Variants in ZFHX3 observed in about 807,000 individuals in gnomAD.
The protein encoded by ZFHX3 is zinc finger homeobox 3.
A neutral mutation model predicts 279.1 loss-of-function variants in ZFHX3; 42 were observed. The ratio of observed to expected loss-of-function variants is 0.15; its 90% CI spans 0.12 to 0.19. The LOEUF (loss-of-function observed/expected upper bound fraction) is 0.19. ZFHX3 is among the 10% of genes least tolerant of loss of function. The pLI is 1.00. For missense variants in ZFHX3, 4,981 were observed against 4,754.0 expected (o/e 1.05, Z -1.40); for synonymous variants, 2,293 against 1,957.8 (o/e 1.17, Z -4.52).
intron 2 of ZFHX3, among the ~76,000 whole-genome samples, chr16:73,555,304 G>C (rs1042280176): frequency 6.6e-6 from 1 of 151,882 alleles, no homozygotes; most frequent in Non-Finnish European, 1.5e-5. Context: ...ACAGGCACCC[G>C]CCACCACACC....
intron 4 of ZFHX3, among the ~76,000 whole-genome samples, chr16:73,309,900 T>C (rs1007140131): frequency 1.6e-5 from 2 of 126,068 alleles, no homozygotes; most frequent in Non-Finnish European, 3.2e-5. Context: ...ACTCGTTTTT[T>C]CTTGCCTTTT....
intron 3 of ZFHX3, among the ~76,000 whole-genome samples, chr16:73,328,479 A>G (rs1419344258): frequency 6.6e-6 from 1 of 152,212 alleles, no homozygotes; most frequent in African/African-American, 2.4e-5. Context: ...AATCTTCATG[A>G]CATTTTAATG....
At chr16:73,591,182 T>A (rs139909365) in intron 2 of ZFHX3, among the ~76,000 whole-genome samples, 1 of 150,762 alleles carries the variant, frequency 6.6e-6, no homozygotes, top group Non-Finnish European at 1.5e-5. Flanking sequence ...GAAACCCTGT[T>A]TCTACTAAAA....
At chr16:73,217,599 G>T (rs1383567079) in intron 5 of ZFHX3, among the ~76,000 whole-genome samples, 2 of 152,148 alleles carry the variant, frequency 1.3e-5, no homozygotes, top group African/African-American at 4.8e-5. Context: ...GCCTCTCGAT[G>T]TTGGTTACTT....
chr16:73,490,886 C>G (rs995887548), intron 2 of ZFHX3, among the ~76,000 whole-genome samples: 2 of 152,148 alleles, frequency 1.3e-5, no homozygotes, highest in African/African-American at 4.8e-5. Flanking sequence ...AACTAAGAAA[C>G]TGCAGAGGTG....
In ZFHX3 at chr16:73,793,481, T is replaced by C. The variant is rs574371941; in HGVS notation, c.-1608+98170A>G. On this transcript the variant is annotated intron_variant, in intron 1 of 17. Coordinates refer to the ZFHX3 transcript ENST00000641206. ...CCTGGTACCTTGATGCAAGCCAACA[T>C]ATCTCCAACGAAAATATGCTCCTTG... 2.8e-4 allele frequency among the ~76,000 whole-genome samples: 42 copies of C among 152,358 alleles called. No individual in the cohort carries two copies. The South Asian group carries it at 8.5e-3, about 31-fold the overall frequency.
intron 1 of ZFHX3, among the ~76,000 whole-genome samples, chr16:73,024,023 A>G (rs191875441): frequency 6.6e-6 from 1 of 152,284 alleles, no homozygotes. Context: ...CAGTATTACC[A>G]TTAAACAACA....
intron 2 of ZFHX3, among the ~76,000 whole-genome samples, chr16:73,534,942 G>C (rs1344354030): frequency 6.6e-6 from 1 of 152,102 alleles, no homozygotes; most frequent in African/African-American, 2.4e-5. Flanking sequence ...TGCTGTTAGT[G>C]CCCTTTTCAC....
At chr16:72,883,669 T>C (rs2144039906) in intron 4 of ZFHX3, among the ~76,000 whole-genome samples, 1 of 152,376 alleles carries the variant, frequency 6.6e-6, no homozygotes, top group East Asian at 1.9e-4. Context: ...GTAAAGCATC[T>C]TTCTAAAAAG....
intron 2 of ZFHX3, 66 bp from the exon 3 acceptor site, chr16:72,951,031 C>T (rs531209816): frequency 1.9e-6 from 3 of 1,548,428 alleles, no homozygotes; most frequent in African/African-American, 2.7e-5. Flanking sequence ...AGCTGAGGCA[C>T]CCCCCAGCCC....
chr16:73,182,598 A>G (rs78691989), intron 5 of ZFHX3, among the ~76,000 whole-genome samples: 23 of 152,392 alleles, frequency 1.5e-4, no homozygotes, highest in African/African-American at 5.3e-4. Context: ...TCATGTATTA[A>G]TCACAGCACT....
At chr16:73,242,259 G>C (rs1231233848) in intron 5 of ZFHX3, among the ~76,000 whole-genome samples, 1 of 152,184 alleles carries the variant, frequency 6.6e-6, no homozygotes, top group African/African-American at 2.4e-5. Context: ...GGAGAACCTA[G>C]CTCCCTGAAG....
chr16:73,437,007 A>G (rs181709026), intron 3 of ZFHX3, among the ~76,000 whole-genome samples: 1 of 152,118 alleles, frequency 6.6e-6, no homozygotes, highest in Non-Finnish European at 1.5e-5. Flanking sequence ...TTGTTTGGCT[A>G]GACAGGCTCT....
chr16:73,726,162 C>G (rs2053516816), intron 1 of ZFHX3, among the ~76,000 whole-genome samples: 1 of 152,106 alleles, frequency 6.6e-6, no homozygotes, highest in African/African-American at 2.4e-5. Flanking sequence ...GGTCAAAACT[C>G]TAGAGAAAGT....
At chr16:72,984,700 T>C (rs913043844) in intron 1 of ZFHX3, among the ~76,000 whole-genome samples, 2 of 151,822 alleles carry the variant, frequency 1.3e-5, no homozygotes, top group African/African-American at 2.4e-5. Context: ...CAATGTCCCT[T>C]AGGTTGAACA....
chr16:73,296,350 G>C (rs1260312440), intron 4 of ZFHX3, among the ~76,000 whole-genome samples: 1 of 152,162 alleles, frequency 6.6e-6, no homozygotes, highest in East Asian at 1.9e-4. Flanking sequence ...CATGAAGGAA[G>C]GATGGGAGAA....
chr16:73,552,323 C>T (rs1028327710), intron 2 of ZFHX3, among the ~76,000 whole-genome samples: 1 of 152,090 alleles, frequency 6.6e-6, no homozygotes, highest in Non-Finnish European at 1.5e-5. Context: ...AAATACATAC[C>T]TATTATGCCC....
chr16:72,998,636 G>A (rs771437915), intron 1 of ZFHX3, among the ~76,000 whole-genome samples: 12 of 152,194 alleles, frequency 7.9e-5, no homozygotes, highest in Non-Finnish European at 1.5e-4. Flanking sequence ...ACATACTGCA[G>A]TAATGTAAAA....
intron 1 of ZFHX3, among the ~76,000 whole-genome samples, chr16:73,692,984 A>AAG: frequency 6.6e-6 from 1 of 152,362 alleles, no homozygotes; most frequent in Admixed American, 6.5e-5. Context: ...CATTGAAGAA[A>AAG]CAAAATAGGA....
Sources: allele counts gnomAD v4.1 joint callset (sites outside exome capture counted in the v4.1 genomes callset), GRCh38; gene constraint gnomAD v4.1.1; transcripts MANE v1.5; gene names NCBI Gene and HGNC (gene_info 2026-07-23, HGNC 2026-07-21).